PCDHGA2: variants seen among roughly 807,000 people sequenced by gnomAD.
The protein encoded by PCDHGA2 is protocadherin gamma-A2.
A neutral mutation model predicts 59.2 loss-of-function variants in PCDHGA2; 40 were observed. The observed-to-expected ratio is 0.68, with a 90% confidence interval of 0.52 to 0.88. The LOEUF (loss-of-function observed/expected upper bound fraction) is 0.88, where lower values mean the gene tolerates loss of function less well. Among genes scored for constraint, PCDHGA2 ranks in the 40% least tolerant of loss-of-function variants. The probability of loss-of-function intolerance (pLI) is 0.00; values close to 1 mark genes in which losing one functional copy is unlikely to be tolerated. For missense variants in PCDHGA2, 1,226 were observed against 1,204.0 expected (o/e 1.02, Z -0.27); for synonymous variants, 560 against 526.0 (o/e 1.06, Z -0.89).
At chr5:141,484,866 C>T in intron 1 of PCDHGA2, 1 of 275,618 alleles carries the variant, frequency 3.6e-6, no homozygotes, top group Non-Finnish European at 6.8e-6. Flanking sequence ...GGTGGGGGAG[C>T]GTGGAGGATA....
At chr5:141,416,400 C>CT (rs1028319330) in intron 1 of PCDHGA2, 1 of 152,036 alleles carries the variant, frequency 6.6e-6, no homozygotes, top group African/African-American at 2.4e-5. Flanking sequence ...CTGCTTTTGT[C>CT]TTTTTTGTTA....
chr5:141,386,377 T>G (rs535243472), intron 1 of PCDHGA2, among the ~76,000 whole-genome samples: 33 of 152,286 alleles, frequency 2.2e-4, no homozygotes, highest in African/African-American at 7.9e-4. Flanking sequence ...CTTTGAGTAT[T>G]AATTAAAAAC....
intron 1 of PCDHGA2, chr5:141,371,742 C>A (rs773429109): frequency 6.2e-7 from 1 of 1,614,068 alleles, no homozygotes; most frequent in East Asian, 2.2e-5. Context: ...CGACAACGTT[C>A]CCGTTTTCCA....
Position 141,486,243 on chromosome 5 carries a change from G to T in PCDHGA2, c.2425-8564G>T. ...TACATCACAGTGACCTCAGAGCTTG[G>T]AACCCTCCCCGAGAGTGCAGAACCT... is the stretch of plus-strand genomic sequence containing the variant. On this transcript the variant is annotated intron_variant, in intron 1 of 3. Coordinates refer to ENST00000394576, the MANE Select transcript of PCDHGA2 (RefSeq NM_018915.4). The surrounding 1 kb of genome is among the most constrained non-coding windows in gnomAD (Gnocchi z 5.0). 1 of 1,614,156 alleles carries T rather than the reference G, an allele frequency of 6.2e-7. No individual in the cohort carries two copies. Among genetic ancestry groups the T allele is most frequent in the Non-Finnish European group, 8.5e-7 (1 of 1,180,018 alleles).
At chr5:141,381,826 C>CTTTTTTTTTTTTT (rs770630741) in intron 1 of PCDHGA2, among the ~76,000 whole-genome samples, 10 of 74,294 alleles carry the variant, frequency 1.3e-4, no homozygotes, top group Non-Finnish European at 1.9e-4. Context: ...CTTTCTTCTT[C>CTTTTTTTTTTTTT]TTTTTTTTTT....
intron 1 of PCDHGA2, chr5:141,396,593 C>T (rs940440050): frequency 6.0e-5 from 9 of 151,044 alleles, no homozygotes; most frequent in Non-Finnish European, 1.2e-4. Flanking sequence ...GCACTCCAGC[C>T]TGGGCAACAG....
At chr5:141,453,321 T>TG (rs2098762672) in intron 1 of PCDHGA2, among the ~76,000 whole-genome samples, 2 of 151,876 alleles carry the variant, frequency 1.3e-5, no homozygotes, top group Admixed American at 6.6e-5. Context: ...ATTTTAGAGA[T>TG]GGGGTCTCAC....
Position 141,490,008 on chromosome 5 carries a change from C to T in PCDHGA2, c.2425-4799C>T. 6.2e-7 allele frequency: 1 copy of T among 1,614,230 alleles called. No homozygotes were observed. ...GTGTGGGAATCCCAGAGAATGCACC[C>T]ATTGGTACTCTGCTGCTCCGCCTCA... On this transcript the variant is annotated intron_variant, in intron 1 of 3. Transcript: ENST00000394576. This position sits in a 1 kb window ranked among gnomAD's most constrained non-coding sequence, Gnocchi z 5.4.
At chr5:141,429,196 A>ACACACT in intron 1 of PCDHGA2, 1 of 151,994 alleles carries the variant, frequency 6.6e-6, no homozygotes, top group Non-Finnish European at 1.5e-5. Context: ...ACACACACAC[A>ACACACT]CACACACACG....
chr5:141,457,172 T>C (rs1425263344), intron 1 of PCDHGA2, among the ~76,000 whole-genome samples: 1 of 152,212 alleles, frequency 6.6e-6, no homozygotes, highest in East Asian at 1.9e-4. Context: ...ATAACCCTAT[T>C]GCAAATAGTA....
chr5:141,409,159 G>C, intron 1 of PCDHGA2: 1 of 1,614,014 alleles, frequency 6.2e-7, no homozygotes, highest in East Asian at 2.2e-5. Flanking sequence ...CCATGGAAGT[G>C]GAAGCGAAGG....
At position 141,490,207 on chromosome 5, in the gene PCDHGA2, C is replaced by T. The variant is rs142098675; in HGVS notation, c.2425-4600C>T. On this transcript the variant is annotated intron_variant, in intron 1 of 3. Transcript: ENST00000394576. This position sits in a 1 kb window ranked among gnomAD's most constrained non-coding sequence, Gnocchi z 5.4. ...TTTCTATGAAATTCATGCAAGAGCC[C>T]GTGACCAGGGACAGCCTGCCATGGA... 41 of 1,614,056 alleles carry T rather than the reference C, an allele frequency of 2.5e-5. No homozygotes were observed. The highest frequency in any genetic ancestry group is 3.3e-4 in the Middle Eastern group (2 of 6,084).
chr5:141,472,980 C>CAAAAAAAAAAAAAAAAGAAAAAAAAA (rs2099308501), intron 1 of PCDHGA2, among the ~76,000 whole-genome samples: 1 of 86,106 alleles, frequency 1.2e-5, no homozygotes, highest in Non-Finnish European at 2.5e-5. Context: ...GAGTGAAACT[C>CAAAAAAAAAAAAAAAAGAAAAAAAAA]AAAAAAAAAA....
chr5:141,343,570 A>T (rs558182241), intron 1 of PCDHGA2, among the ~76,000 whole-genome samples: 28 of 152,320 alleles, frequency 1.8e-4, no homozygotes, highest in Non-Finnish European at 3.4e-4. Flanking sequence ...AGTTAACTCC[A>T]CTATGTTTGA....
intron 1 of PCDHGA2, chr5:141,343,765 G>T: frequency 2.6e-6 from 1 of 380,782 alleles, no homozygotes; most frequent in Non-Finnish European, 4.7e-6. Flanking sequence ...TGCAGTAAAC[G>T]GTTAGGCCTC....
chr5:141,413,737 A>AC, intron 1 of PCDHGA2: 1 of 1,613,410 alleles, frequency 6.2e-7, no homozygotes, highest in Non-Finnish European at 8.5e-7. Flanking sequence ...AAGAGTTCAG[A>AC]GCCGTGCCAA....
At chr5:141,375,616 T>A (rs745318336) in intron 1 of PCDHGA2, 5 of 1,614,200 alleles carry the variant, frequency 3.1e-6, no homozygotes, top group Admixed American at 1.7e-5. Flanking sequence ...ACTCCGACAC[T>A]GGGATTCTGT....
intron 2 of PCDHGA2, among the ~76,000 whole-genome samples, chr5:141,504,118 G>A (rs948008198): frequency 6.6e-6 from 1 of 152,096 alleles, no homozygotes; most frequent in African/African-American, 2.4e-5. Flanking sequence ...GTGTGCCAGG[G>A]CTGTTTCCCG....
chr5:141,383,381 A>G, intron 1 of PCDHGA2: 2 of 1,614,034 alleles, frequency 1.2e-6, no homozygotes, highest in Non-Finnish European at 1.7e-6. Flanking sequence ...GGGGATCCAG[A>G]TGTGGGCACG....
Sources: gnomAD v4.1 joint callset for allele counts (sites outside exome capture counted in the v4.1 genomes callset) on GRCh38, gnomAD v4.1.1 for gene constraint, Gnocchi (gnomAD v3.1) non-coding constraint, MANE v1.5 for transcripts, NCBI Gene and HGNC (gene_info 2026-07-23, HGNC 2026-07-21) for gene names.